Variants in ODAD2 observed in about 807,000 individuals in gnomAD.
The protein encoded by ODAD2 is outer dynein arm-docking complex subunit 2.
In ODAD2, 89 loss-of-function variants were observed where a neutral mutation model predicts 106.8. The observed-to-expected ratio is 0.83, with a 90% CI of 0.70 to 0.99. The LOEUF is 0.99. Among genes scored for constraint, ODAD2 ranks in the 50% least tolerant of loss-of-function variants. The probability of loss-of-function intolerance (pLI) is 0.00; values close to 1 mark genes in which losing one functional copy is unlikely to be tolerated. For synonymous variants in ODAD2, 404 were observed against 436.2 expected (o/e 0.93, Z 0.92); for missense variants, 1,168 against 1,238.5 (o/e 0.94, Z 0.85).
At chr10:27,934,540 C>T (rs1334983363) in intron 16 of ODAD2, among the ~76,000 whole-genome samples, 1 of 150,886 alleles carries the variant, frequency 6.6e-6, no homozygotes, top group African/African-American at 2.4e-5. Flanking sequence ...TCTTTTCTTC[C>T]TAATTAGACA....
chr10:27,845,320 T>C (rs912485248), intron 19 of ODAD2, among the ~76,000 whole-genome samples: 1 of 152,144 alleles, frequency 6.6e-6, no homozygotes, highest in Non-Finnish European at 1.5e-5. Context: ...CCAGCCAAAC[T>C]AAGCTTCATA....
At chr10:27,974,634 C>T (rs1366701172) in intron 7 of ODAD2, among the ~76,000 whole-genome samples, 4 of 148,762 alleles carry the variant, frequency 2.7e-5, no homozygotes, top group East Asian at 3.9e-4. Flanking sequence ...TACTGTAGCC[C>T]TGTGGTATAG....
rs140265397 is a variant in ODAD2, at chr10:27,862,419, A to T, written c.2799+15T>A. 26 of 1,587,510 alleles carry T rather than the reference A, an allele frequency of 1.6e-5. No homozygotes were observed. In the East Asian group the frequency reaches 5.9e-4, roughly 36 times the overall value. On this transcript the variant is annotated intron_variant, in intron 18 of 19. Coordinates refer to ENST00000305242, the MANE Select transcript of ODAD2 (RefSeq NM_018076.5). ...AGGACAATATGCATGTAAAACAAAA[A>T]GATGTGTTACTTACTGTATTTGCCA...
intron 19 of ODAD2, among the ~76,000 whole-genome samples, chr10:27,835,078 C>G (rs897229188): frequency 6.6e-6 from 1 of 152,148 alleles, no homozygotes; most frequent in Non-Finnish European, 1.5e-5. Flanking sequence ...TCGCGTGGCC[C>G]TGCGTCCTGG....
chr10:27,845,963 C>A (rs59727990), intron 19 of ODAD2, among the ~76,000 whole-genome samples: 1 of 152,114 alleles, frequency 6.6e-6, no homozygotes, highest in Non-Finnish European at 1.5e-5. Flanking sequence ...GGCTCCCACA[C>A]AATAATAATG....
At chr10:27,957,287 A>T (rs930741517) in intron 10 of ODAD2, 9 of 152,236 alleles carry the variant, frequency 5.9e-5, no homozygotes, top group African/African-American at 2.2e-4. Context: ...AGGCAGGAAG[A>T]ACTGCTTTCA....
Position 27,862,545 on chromosome 10 carries a change from T to C in ODAD2, c.2688A>G (p.Glu896=), listed in dbSNP as rs76320448. The C allele has an allele frequency of 6.2e-7, 1 of 1,611,282 alleles. No individual in the cohort carries two copies. Among genetic ancestry groups the C allele is most frequent in the African/African-American group, 1.3e-5 (1 of 74,950 alleles). The change falls in exon 18 of 20, where the codon GAA becomes GAG. Residue 896 remains glutamate (E), a synonymous_variant. Coordinates refer to ENST00000305242, the MANE Select transcript of ODAD2 (RefSeq NM_018076.5). ...TGGCAGCACATACACTTGCCAGAAC[T>C]TCTTTGTTATCTGATTTCAGTAAAT... ...IVNLLKSDNK[E]VLASVCAAIT...
intron 8 of ODAD2, among the ~76,000 whole-genome samples, chr10:27,970,212 G>A (rs910459108): frequency 5.9e-5 from 9 of 151,908 alleles, no homozygotes; most frequent in Admixed American, 3.3e-4. Flanking sequence ...TTGCTTTGAC[G>A]CCTGTTTATA....
In ODAD2 at chr10:27,971,225, T is replaced by A; in HGVS notation, c.1025A>T (p.Asp342Val). Reference protein sequence around the residue: ...KKEEAAALRKDISGSDKRSLE... With the variant: ...KKEEAAALRKVISGSDKRSLE... ...TGACCTTTTGTCTGAACCAGAAATGTCTTTGCGGAGGGCAGCTGCTTCTTC... is the reference window on the plus strand; with the variant it reads ...TGACCTTTTGTCTGAACCAGAAATGACTTTGCGGAGGGCAGCTGCTTCTTC... The change falls in exon 8 of 20, where the codon GAC (aspartate) becomes GTC (valine). Residue 342 changes from aspartate (D) to valine (V), a missense_variant. By Grantham distance (152) the Asp-to-Val change is radical. Around this residue, in one of 3 missense-constraint regions of ODAD2, gnomAD observed 430 missense variants for 452.2 expected, o/e 0.95. Coordinates refer to ENST00000305242, the MANE Select transcript of ODAD2 (RefSeq NM_018076.5). The A allele has an allele frequency of 1.9e-6, 3 of 1,614,012 alleles. No homozygotes were observed. In the South Asian group the frequency reaches 3.3e-5, roughly 18 times the overall value.
intron 17 of ODAD2, among the ~76,000 whole-genome samples, chr10:27,906,131 A>C (rs565270361): frequency 3.9e-5 from 6 of 152,212 alleles, no homozygotes; most frequent in Non-Finnish European, 8.8e-5. Context: ...CAAAGGGCTG[A>C]TATCCAGAAT....
intron 19 of ODAD2, among the ~76,000 whole-genome samples, chr10:27,831,467 T>C (rs546589850): frequency 6.6e-6 from 1 of 152,208 alleles, no homozygotes; most frequent in African/African-American, 2.4e-5. Flanking sequence ...AAGTGCCTTA[T>C]AAGATACTGA....
chr10:27,944,494 C>T (rs762080611), intron 11 of ODAD2, 63 bp from the exon 12 acceptor site: 32 of 1,425,684 alleles, frequency 2.2e-5, no homozygotes, highest in African/African-American at 4.2e-5. Flanking sequence ...TTAAAAATTC[C>T]GAGTATACCT....
chr10:27,944,466 G>A (rs755590966), intron 11 of ODAD2, 35 bp from the exon 12 acceptor site: 32 of 1,563,214 alleles, frequency 2.0e-5, no homozygotes, highest in Non-Finnish European at 2.4e-5. Flanking sequence ...TGGCGAATAT[G>A]TAACCCGTGC....
At chr10:27,880,791 T>G (rs1841651419) in intron 17 of ODAD2, among the ~76,000 whole-genome samples, 1 of 152,186 alleles carries the variant, frequency 6.6e-6, no homozygotes, top group African/African-American at 2.4e-5. Flanking sequence ...GACATAAATT[T>G]CTGTTCTTTA....
At chr10:27,927,661 A>G (rs1380208416) in intron 16 of ODAD2, among the ~76,000 whole-genome samples, 1 of 152,132 alleles carries the variant, frequency 6.6e-6, no homozygotes. Flanking sequence ...AGGCCTTGCT[A>G]TAGAATTTAA....
chr10:27,953,152 T>C (rs1298857698), intron 10 of ODAD2, among the ~76,000 whole-genome samples: 1 of 152,218 alleles, frequency 6.6e-6, no homozygotes, highest in Non-Finnish European at 1.5e-5. Flanking sequence ...TGTCTCTGCC[T>C]TTCTTGTGGT....
chr10:27,945,164 G>A (rs1846806963), intron 10 of ODAD2, among the ~76,000 whole-genome samples: 1 of 152,158 alleles, frequency 6.6e-6, no homozygotes, highest in African/African-American at 2.4e-5. Context: ...ACATTTAAAG[G>A]CAGGCTGTCT....
chr10:27,871,691 C>T (rs1211026865), intron 17 of ODAD2, among the ~76,000 whole-genome samples: 1 of 152,162 alleles, frequency 6.6e-6, no homozygotes, highest in East Asian at 1.9e-4. Flanking sequence ...TTTCTGAGGG[C>T]TCTGTTCTGT....
intron 17 of ODAD2, among the ~76,000 whole-genome samples, chr10:27,890,859 C>G (rs992455167): frequency 6.6e-6 from 1 of 151,868 alleles, no homozygotes. Flanking sequence ...ATACTTAGAA[C>G]TATTTGGTGA....
Sources: gnomAD v4.1 joint callset for allele counts (sites outside exome capture counted in the v4.1 genomes callset) on GRCh38, gnomAD v4.1.1 for gene constraint, gnomAD v4.1.1 regional missense constraint, MANE v1.5 for transcripts, NCBI Gene and HGNC (gene_info 2026-07-23, HGNC 2026-07-21) for gene names.